NOL9: variants seen among roughly 807,000 people sequenced by gnomAD.
The protein encoded by NOL9 is polynucleotide 5'-hydroxyl-kinase NOL9.
In NOL9, 28 loss-of-function variants were observed where a neutral mutation model predicts 67.9. The ratio of observed to expected loss-of-function variants is 0.41; its 90% CI spans 0.31 to 0.57. NOL9 has a LOEUF of 0.57. Ranked by LOEUF, NOL9 falls within the 20% of genes least tolerant of loss-of-function variation. The pLI, the probability that NOL9 is intolerant of heterozygous loss-of-function variation, is 0.25. For synonymous variants in NOL9, 356 were observed against 352.2 expected (o/e 1.01, Z -0.12); for missense variants, 777 against 897.0 (o/e 0.87, Z 1.71).
rs1160306716 is a variant in NOL9, at chr1:6,552,984, G to A, written c.396+1123C>T. ...GTGCTACCATGCCCAGCTAATTTTTGTATTTTTAGTAGAGATGAGGTTTCA... is the reference window on the plus strand; with the variant it reads ...GTGCTACCATGCCCAGCTAATTTTTATATTTTTAGTAGAGATGAGGTTTCA... On this transcript the variant is annotated intron_variant, in intron 1 of 11. Transcript: ENST00000377705. Among the ~76,000 whole-genome samples the A allele has an allele frequency of 2.0e-5, 3 of 152,058 alleles. No individual in the cohort carries two copies. The East Asian group carries it at 5.8e-4, about 29-fold the overall frequency.
At chr1:6,549,505 T>C (rs1570084707) in intron 3 of NOL9, 66 bp downstream of exon 3, 1 of 1,165,906 alleles carries the variant, frequency 8.6e-7, no homozygotes, top group South Asian at 1.7e-5. Flanking sequence ...ACATCCTACA[T>C]AGTCATTTGA....
chr1:6,535,065 C>G (rs563024838), intron 6 of NOL9, among the ~76,000 whole-genome samples: 1 of 152,326 alleles, frequency 6.6e-6, no homozygotes, highest in African/African-American at 2.4e-5. Flanking sequence ...CTGCCTCGGC[C>G]TGCCACAGTG....
At chr1:6,546,637 C>CG (rs1363356792) in intron 3 of NOL9, among the ~76,000 whole-genome samples, 9 of 152,154 alleles carry the variant, frequency 5.9e-5, no homozygotes, top group African/African-American at 2.2e-4. Flanking sequence ...ATGCCAGAAC[C>CG]GGACCCATCC....
At position 6,525,346 on chromosome 1, in the gene NOL9, T is replaced by C. The variant is rs567470421; in HGVS notation, c.*508A>G. 6.1e-6 allele frequency: 1 copy of C among 165,164 alleles called. No homozygotes were observed. The highest frequency in any genetic ancestry group is 2.4e-5 in the African/African-American group (1 of 41,686). 10.2% of individuals were successfully genotyped at this position (165,164 alleles called of 1,614,324 possible). A position where few individuals can be genotyped will look rare whatever the true frequency, so the allele number is the denominator to read the frequency against. On this transcript the variant is annotated 3_prime_UTR_variant, in exon 12 of 12. Coordinates refer to ENST00000377705, the MANE Select transcript of NOL9 (RefSeq NM_024654.5). Reference sequence around the variant, plus strand: ...TTGAATATAACAGACCAAGTACAACTGCACCAAATGGATGGGCTGTAACCA... The same window carrying C: ...TTGAATATAACAGACCAAGTACAACCGCACCAAATGGATGGGCTGTAACCA...
At chr1:6,537,011 T>G (rs1425046178) in intron 6 of NOL9, among the ~76,000 whole-genome samples, 1 of 151,418 alleles carries the variant, frequency 6.6e-6, no homozygotes, top group Non-Finnish European at 1.5e-5. Flanking sequence ...ACACTGTCTC[T>G]CTCAAAAACC....
chr1:6,544,963 T>G, intron 4 of NOL9, 41 bp from the exon 5 acceptor site: 1 of 1,614,188 alleles, frequency 6.2e-7, no homozygotes, highest in African/African-American at 1.3e-5. Context: ...ATTAGCCGTC[T>G]TCCTTGGACT....
At chr1:6,538,170 T>C (rs936056184) in intron 6 of NOL9, among the ~76,000 whole-genome samples, 24 of 152,152 alleles carry the variant, frequency 1.6e-4, no homozygotes, top group Admixed American at 1.2e-3. Flanking sequence ...ACCAAAAGCA[T>C]AGGCAACAAG....
chr1:6,550,149 G>A (rs986410411), intron 2 of NOL9, among the ~76,000 whole-genome samples: 7 of 151,650 alleles, frequency 4.6e-5, no homozygotes, highest in African/African-American at 1.2e-4. Flanking sequence ...CTCCTGTCTC[G>A]GCCTCCCGAG....
At chr1:6,548,426 C>A (rs916755281) in intron 3 of NOL9, 1 of 222,276 alleles carries the variant, frequency 4.5e-6, no homozygotes, top group Non-Finnish European at 9.4e-6. Flanking sequence ...GGATTACAGG[C>A]GTGAGCCACC....
At chr1:6,541,187 T>G (rs574953256) in intron 6 of NOL9, among the ~76,000 whole-genome samples, 1 of 152,072 alleles carries the variant, frequency 6.6e-6, no homozygotes, top group East Asian at 1.9e-4. Context: ...AGCTAATTTT[T>G]GTTTTTTTGG....
chr1:6,537,006 GTC>G lies in NOL9; in HGVS notation c.1076-3567_1076-3566del, dbSNP rs541438213. On this transcript the variant is annotated intron_variant, in intron 6 of 11. Coordinates refer to ENST00000377705, the MANE Select transcript of NOL9 (RefSeq NM_024654.5). ...AGCCTGGGTGACAGAGTGAGACACT[GTC>G]TCTCTCAAAAACCAAGCACGGTAAT... Among the ~76,000 whole-genome samples the G allele has an allele frequency of 2.0e-4, 31 of 151,870 alleles. No homozygotes were observed. The South Asian group carries it at 6.2e-3, about 31-fold the overall frequency.
intron 5 of NOL9, among the ~76,000 whole-genome samples, chr1:6,544,502 CCT>C (rs1367807453): frequency 6.6e-6 from 1 of 150,998 alleles, no homozygotes; most frequent in Non-Finnish European, 1.5e-5. Flanking sequence ...TGAGGGAAAC[CCT>C]GTCTGAAAAC....
At chr1:6,550,182 C>A (rs1408623324) in intron 2 of NOL9, among the ~76,000 whole-genome samples, 7 of 152,114 alleles carry the variant, frequency 4.6e-5, no homozygotes, top group Admixed American at 3.3e-4. Context: ...CAGGCGCCTG[C>A]CACCACGCTT....
intron 1 of NOL9, 108 bp downstream of exon 1, chr1:6,553,999 G>A (rs1639607097): frequency 1.1e-6 from 1 of 903,496 alleles, no homozygotes; most frequent in Non-Finnish European, 1.6e-6. Flanking sequence ...CTGGCAGCCA[G>A]AGAACAGGCC....
intron 8 of NOL9, 159 bp downstream of exon 8, chr1:6,532,304 C>T: frequency 1.3e-6 from 1 of 771,746 alleles, no homozygotes; most frequent in Non-Finnish European, 2.1e-6. Context: ...CCACTGGGAA[C>T]ATAACAGTTC....
chr1:6,531,616 A>G (rs1343412981), intron 9 of NOL9, among the ~76,000 whole-genome samples: 2 of 152,164 alleles, frequency 1.3e-5, no homozygotes, highest in Non-Finnish European at 2.9e-5. Context: ...CCCCTGCTCT[A>G]CAGCGGAAAA....
In NOL9 at chr1:6,547,370, T is replaced by G. The variant is rs116516415; in HGVS notation, c.745-2190A>C. ...CCCATCCCAGTTAATGGCAACTACA[T>G]GCACCCCAGTCGTTAAGCCAAAAAC... On this transcript the variant is annotated intron_variant, in intron 3 of 11. Coordinates refer to ENST00000377705, the MANE Select transcript of NOL9 (RefSeq NM_024654.5). 9.6e-3 allele frequency among the ~76,000 whole-genome samples: 1,458 copies of G among 152,230 alleles called. 18 individuals are homozygous for G. The highest frequency in any genetic ancestry group is 0.024 in the African/African-American group (994 of 41,560).
chr1:6,533,944 A>G (rs1002438602), intron 6 of NOL9, among the ~76,000 whole-genome samples: 6 of 151,384 alleles, frequency 4.0e-5, no homozygotes, highest in African/African-American at 1.5e-4. Flanking sequence ...CTGGACTGCA[A>G]TGGTGCGATC....
chr1:6,528,342 A>G (rs989876000), intron 10 of NOL9, among the ~76,000 whole-genome samples: 4 of 152,212 alleles, frequency 2.6e-5, no homozygotes, highest in Admixed American at 2.6e-4. Context: ...TGGAGAGTTC[A>G]GTTAAGAAAC....
Sources: gnomAD v4.1 joint callset for allele counts (sites outside exome capture counted in the v4.1 genomes callset) on GRCh38, gnomAD v4.1.1 for gene constraint, MANE v1.5 for transcripts, NCBI Gene and HGNC (gene_info 2026-07-23, HGNC 2026-07-21) for gene names.